The following LRRTM3 variants were observed in gnomAD, a reference collection of about 807,000 sequenced individuals.
The protein encoded by LRRTM3 is leucine-rich repeat transmembrane neuronal protein 3.
LRRTM3 carries 24 observed loss-of-function variants against 44.7 expected under a neutral mutation model. The observed-to-expected ratio is 0.54, with a 90% CI of 0.39 to 0.76. The LOEUF is 0.76. Ranked by LOEUF, LRRTM3 falls within the 30% of genes least tolerant of loss-of-function variation. LRRTM3 has a pLI of 0.00. For synonymous variants in LRRTM3, 277 were observed against 278.7 expected (o/e 0.99, Z 0.06); for missense variants, 587 against 702.2 (o/e 0.84, Z 1.85).
intron 2 of LRRTM3, among the ~76,000 whole-genome samples, chr10:67,091,809 T>A (rs1315155482): frequency 6.6e-6 from 1 of 152,024 alleles, no homozygotes; most frequent in Admixed American, 6.6e-5. Flanking sequence ...TTAAGCTGAC[T>A]TAATCTAATA....
intron 2 of LRRTM3, among the ~76,000 whole-genome samples, chr10:67,084,952 T>C (rs915655203): frequency 6.6e-6 from 1 of 151,970 alleles, no homozygotes; most frequent in Non-Finnish European, 1.5e-5. Context: ...GTGCCTTGTA[T>C]GTTATAAATA....
intron 2 of LRRTM3, among the ~76,000 whole-genome samples, chr10:67,064,940 A>G (rs1855981690): frequency 6.6e-6 from 1 of 152,198 alleles, no homozygotes; most frequent in African/African-American, 2.4e-5. Context: ...CTTTCAATAA[A>G]GAAAATGCAT....
intron 2 of LRRTM3, among the ~76,000 whole-genome samples, chr10:67,004,041 C>T (rs1851831213): frequency 6.6e-6 from 1 of 151,712 alleles, no homozygotes; most frequent in South Asian, 2.1e-4. Flanking sequence ...GACATTGAAT[C>T]AAACCAGTTT....
At chr10:67,045,774 A>G (rs1854705431) in intron 2 of LRRTM3, among the ~76,000 whole-genome samples, 1 of 152,106 alleles carries the variant, frequency 6.6e-6, no homozygotes, top group South Asian at 2.1e-4. Context: ...ACCGAACTGG[A>G]GAAAGTTTCA....
At chr10:66,974,770 A>T (rs562171944) in intron 2 of LRRTM3, among the ~76,000 whole-genome samples, 4 of 150,436 alleles carry the variant, frequency 2.7e-5, no homozygotes, top group Admixed American at 2.0e-4. Context: ...GACTAATGAC[A>T]TTGCACATCT....
chr10:67,055,417 T>C (rs184638982), intron 2 of LRRTM3, among the ~76,000 whole-genome samples: 2 of 122,086 alleles, frequency 1.6e-5, no homozygotes, highest in Non-Finnish European at 3.5e-5. Context: ...ACAACAGAAC[T>C]TTACACAGTT....
intron 2 of LRRTM3, among the ~76,000 whole-genome samples, chr10:67,078,377 G>A (rs921385440): frequency 1.3e-5 from 2 of 152,144 alleles, no homozygotes; most frequent in Admixed American, 1.3e-4. Flanking sequence ...TATTTGTTCT[G>A]TAAGGAAATG....
intron 2 of LRRTM3, among the ~76,000 whole-genome samples, chr10:67,021,615 T>C (rs1853021061): frequency 6.6e-6 from 1 of 151,930 alleles, no homozygotes; most frequent in Non-Finnish European, 1.5e-5. Context: ...CATGTAAAAA[T>C]GGAATAAAAT....
chr10:66,968,825 T>C (rs1849572014), intron 2 of LRRTM3, among the ~76,000 whole-genome samples: 1 of 152,058 alleles, frequency 6.6e-6, no homozygotes, highest in Non-Finnish European at 1.5e-5. Flanking sequence ...AAGACGAGCC[T>C]GGCCAACATG....
chr10:66,996,829 A>T (rs1851379884), intron 2 of LRRTM3, among the ~76,000 whole-genome samples: 1 of 152,056 alleles, frequency 6.6e-6, no homozygotes, highest in Non-Finnish European at 1.5e-5. Context: ...TACACTGTTA[A>T]ACACAGTAAT....
chr10:67,027,878 G>T (rs1853487997), intron 2 of LRRTM3, among the ~76,000 whole-genome samples: 2 of 152,220 alleles, frequency 1.3e-5, no homozygotes, highest in Non-Finnish European at 2.9e-5. Flanking sequence ...GCTTCTGAAT[G>T]ATAAGCTCTT....
At chr10:67,058,290 A>T (rs1369036400) in intron 2 of LRRTM3, among the ~76,000 whole-genome samples, 2 of 152,218 alleles carry the variant, frequency 1.3e-5, no homozygotes, top group African/African-American at 2.4e-5. Flanking sequence ...AGTCTATCAC[A>T]TCATTCTTAC....
At chr10:67,016,025 A>G (rs533340639) in intron 2 of LRRTM3, among the ~76,000 whole-genome samples, 1 of 133,438 alleles carries the variant, frequency 7.5e-6, no homozygotes, top group Non-Finnish European at 1.7e-5. Flanking sequence ...TTATTGCTGT[A>G]TACTCTCTTC....
chr10:67,008,544 G>A (rs192790964), intron 2 of LRRTM3, among the ~76,000 whole-genome samples: 1 of 152,186 alleles, frequency 6.6e-6, no homozygotes, highest in African/African-American at 2.4e-5. Flanking sequence ...TCATAATTGT[G>A]TGAGTTAGCA....
intron 2 of LRRTM3, among the ~76,000 whole-genome samples, chr10:66,960,860 G>A (rs917128661): frequency 6.6e-6 from 1 of 152,130 alleles, no homozygotes; most frequent in Non-Finnish European, 1.5e-5. Context: ...TAAAGCATAG[G>A]AGAAGGAAAG....
Position 67,097,868 on chromosome 10 carries a change from C to T in LRRTM3, c.*72C>T. 1 of 1,341,146 alleles carries T rather than the reference C, an allele frequency of 7.5e-7. No homozygotes were observed. Among genetic ancestry groups the T allele is most frequent in the Non-Finnish European group, 1.1e-6 (1 of 942,862 alleles). The allele number at this position is 1,341,146 out of a possible 1,614,324, so 83.1% of individuals were successfully genotyped here. On this transcript the variant is annotated 3_prime_UTR_variant, in exon 3 of 3. Transcript: ENST00000361320. ...AAGGACAAAATGAGGAAGATGTGTTCATTGTGGACTCTAAAAACAAAACAA... is the reference window on the plus strand; with the variant it reads ...AAGGACAAAATGAGGAAGATGTGTTTATTGTGGACTCTAAAAACAAAACAA...
chr10:67,007,629 C>A (rs560373490), intron 2 of LRRTM3, among the ~76,000 whole-genome samples: 32 of 152,040 alleles, frequency 2.1e-4, no homozygotes, highest in African/African-American at 6.7e-4. Flanking sequence ...GAAACCCTTG[C>A]CAGTGTTTCC....
intron 2 of LRRTM3, among the ~76,000 whole-genome samples, chr10:67,016,344 A>C (rs1370174468): frequency 1.3e-5 from 2 of 152,142 alleles, no homozygotes; most frequent in Non-Finnish European, 2.9e-5. Flanking sequence ...TTATTTTCTT[A>C]ACATTGAAAG....
In LRRTM3 at chr10:66,951,832, G is replaced by A. The variant is rs181416995; in HGVS notation, c.1536+23380G>A. ...GAGGTAGGGGATGCATACAGAGATA[G>A]GCTCATCTCACCTGGCCTGATTAAG... On this transcript the variant is annotated intron_variant, in intron 2 of 2. Coordinates refer to ENST00000361320, the MANE Select transcript of LRRTM3 (RefSeq NM_178011.5). Among the ~76,000 whole-genome samples, 3 of 152,284 alleles carry A rather than the reference G, an allele frequency of 2.0e-5. No homozygotes were observed. The East Asian group carries it at 5.8e-4, about 29-fold the overall frequency.
Sources: gnomAD v4.1 joint callset for allele counts (sites outside exome capture counted in the v4.1 genomes callset) on GRCh38, gnomAD v4.1.1 for gene constraint, MANE v1.5 for transcripts, NCBI Gene and HGNC (gene_info 2026-07-23, HGNC 2026-07-21) for gene names.